ACACB: variants seen among roughly 807,000 people sequenced by gnomAD.
ACACB encodes the protein acetyl-CoA carboxylase beta, also known as acetyl-CoA carboxylase 2.
In ACACB, 209 loss-of-function variants were observed where a neutral mutation model predicts 278.8. The ratio of observed to expected loss-of-function variants is 0.75; its 90% CI spans 0.67 to 0.84. ACACB has a LOEUF of 0.84. Among genes scored for constraint, ACACB ranks in the 40% least tolerant of loss-of-function variants. The pLI is 0.00. For synonymous variants in ACACB, 1,174 were observed against 1,285.6 expected (o/e 0.91, Z 1.86); for missense variants, 2,850 against 3,269.0 (o/e 0.87, Z 3.13).
Position 109,230,715 on chromosome 12 carries a change from C to A in ACACB, c.4002-1954C>A, listed in dbSNP as rs144787149. On this transcript the variant is annotated intron_variant, in intron 28 of 52. Transcript: ENST00000338432. Reference sequence around the variant, plus strand: ...AAAGTGCTGATATTATAGGCGCGAGCCCCTGTGCCTGGCCTTCTCTTTTGA... The same window carrying A: ...AAAGTGCTGATATTATAGGCGCGAGACCCTGTGCCTGGCCTTCTCTTTTGA... Among the ~76,000 whole-genome samples the A allele has an allele frequency of 7.2e-4, 110 of 152,334 alleles. 1 individual carries two copies. Among genetic ancestry groups the A allele is most frequent in the African/African-American group, 2.6e-3 (107 of 41,576 alleles).
chr12:109,252,005 T>G, intron 41 of ACACB, 41 bp from the exon 42 acceptor site: 1 of 1,502,774 alleles, frequency 6.7e-7, no homozygotes, highest in South Asian at 1.2e-5. Flanking sequence ...GGTGGGTCCC[T>G]CGCCACTCTC....
At chr12:109,229,231 C>T in intron 28 of ACACB, among the ~76,000 whole-genome samples, 1 of 152,288 alleles carries the variant, frequency 6.6e-6, no homozygotes, top group Middle Eastern at 3.4e-3. Flanking sequence ...GCGTGAGCCA[C>T]CGTGCCCAGC....
At chr12:109,242,321 C>A (rs997989331) in intron 36 of ACACB, 116 bp from the exon 37 acceptor site, 1 of 1,184,528 alleles carries the variant, frequency 8.4e-7, no homozygotes, top group African/African-American at 1.5e-5. Flanking sequence ...CTTTGTCATG[C>A]CATGTGACAT....
intron 9 of ACACB, among the ~76,000 whole-genome samples, chr12:109,177,211 T>G (rs1593474107): frequency 6.6e-6 from 1 of 152,280 alleles, no homozygotes; most frequent in East Asian, 1.9e-4. Context: ...TTTTGATGAT[T>G]ACTCAATATT....
At chr12:109,235,945 G>C (rs2046621137) in intron 33 of ACACB, 2 of 332,932 alleles carry the variant, frequency 6.0e-6, no homozygotes, top group Non-Finnish European at 1.1e-5. Flanking sequence ...GTTTCAGTGA[G>C]CCAAGGTGAT....
chr12:109,156,926 G>T (rs1466222489), intron 2 of ACACB, among the ~76,000 whole-genome samples: 1 of 152,068 alleles, frequency 6.6e-6, no homozygotes, highest in Non-Finnish European at 1.5e-5. Context: ...CTTTGTAGGT[G>T]TGGTCTCATG....
chr12:109,171,883 T>A lies in ACACB; in HGVS notation c.1004T>A (p.Ile335Asn), dbSNP rs1223408099. 2 of 1,614,004 alleles carry A rather than the reference T, an allele frequency of 1.2e-6. No individual in the cohort carries two copies. Among genetic ancestry groups the A allele is most frequent in the Admixed American group, 1.7e-5 (1 of 59,986 alleles). Residue 335 changes from isoleucine to asparagine, a missense_variant, in exon 5 of 53, where the codon ATT (isoleucine) becomes AAT (asparagine). Around this residue, in one of 3 missense-constraint regions of ACACB, gnomAD observed 2,265 missense variants for 2,561.3 expected, o/e 0.88. Coordinates refer to ENST00000338432, the MANE Select transcript of ACACB (RefSeq NM_001093.4). ...NNNNYANVEL[I>N]VDIAKRIPVQ... ...AACAACTATGCCAACGTGGAGCTGA[T>A]TGTGGACATTGCCAAGAGAATCCCC...
In ACACB at chr12:109,246,468, G is replaced by T; in HGVS notation, c.5571+20G>T. ...CACAAAGTACGTCGTGAAACTGGCG[G>T]GGCAGGGTGATTCTGCTCAGCTACT... On this transcript the variant is annotated intron_variant, in intron 39 of 52. Transcript: ENST00000338432. The T allele has an allele frequency of 1.2e-6, 2 of 1,604,340 alleles. No individual in the cohort carries two copies. Among genetic ancestry groups the T allele is most frequent in the Non-Finnish European group, 1.7e-6 (2 of 1,172,790 alleles).
At chr12:109,218,916 G>A (rs1291799686) in intron 24 of ACACB, among the ~76,000 whole-genome samples, 2 of 151,876 alleles carry the variant, frequency 1.3e-5, no homozygotes, top group African/African-American at 4.8e-5. Flanking sequence ...ACAGGCATGC[G>A]CCACCACGCC....
chr12:109,261,216 T>C (rs1258903945), intron 48 of ACACB, among the ~76,000 whole-genome samples: 1 of 152,228 alleles, frequency 6.6e-6, no homozygotes, highest in Non-Finnish European at 1.5e-5. Flanking sequence ...TGTCAAGGCC[T>C]CAAGAGTCAT....
In ACACB at chr12:109,266,284, G is replaced by C; in HGVS notation, c.7299G>C (p.Leu2433=). 5.0e-6 allele frequency: 8 copies of C among 1,613,894 alleles called. No homozygotes were observed. The highest frequency in any genetic ancestry group is 6.8e-6 in the Non-Finnish European group (8 of 1,179,964). The change falls in exon 53 of 53, where the codon CTG becomes CTC. Residue 2433 remains leucine (L), a synonymous_variant. Coordinates refer to ENST00000338432, the MANE Select transcript of ACACB (RefSeq NM_001093.4). ...PEVAVDCVIY[L]SQHISPAERA... is the part of the protein sequence containing the mutation. ...TGGCCGTGGACTGTGTGATATACCT[G>C]AGCCAGCACATCAGCCCAGCTGAGC...
intron 1 of ACACB, among the ~76,000 whole-genome samples, chr12:109,134,173 C>G (rs2541885): frequency 0.22 from 33,501 of 152,070 alleles, 4,383 homozygotes; most frequent in East Asian, 0.6. Context: ...TGTCCCCAAG[C>G]ACCACCCAGT....
intron 2 of ACACB, among the ~76,000 whole-genome samples, chr12:109,159,501 T>G (rs2043652403): frequency 6.6e-6 from 1 of 152,186 alleles, no homozygotes; most frequent in Non-Finnish European, 1.5e-5. Context: ...TTCCATCATG[T>G]GAGGAAACTG....
intron 13 of ACACB, among the ~76,000 whole-genome samples, chr12:109,189,704 C>CTATGG (rs2044796126): frequency 6.6e-6 from 1 of 152,180 alleles, no homozygotes; most frequent in South Asian, 2.1e-4. Context: ...TTTTCATGGC[C>CTATGG]TATGGATACC....
intron 48 of ACACB, 125 bp downstream of exon 48, chr12:109,260,782 C>T (rs1170706770): frequency 2.0e-6 from 2 of 1,018,830 alleles, no homozygotes; most frequent in Non-Finnish European, 2.7e-6. Context: ...GAAATGTTGT[C>T]TCTTCTTTCA....
In ACACB at chr12:109,167,621, GTATA is replaced by G. The variant is rs1216217057; in HGVS notation, c.787-245_787-242del. Reference sequence around the variant, plus strand: ...CTCAAAAAAAAAAATATATGTATGTGTATATATATATATATATATATATATATAT... The same window carrying G: ...CTCAAAAAAAAAAATATATGTATGTGTATATATATATATATATATATATAT... On this transcript the variant is annotated intron_variant, in intron 3 of 52. Coordinates refer to ENST00000338432, the MANE Select transcript of ACACB (RefSeq NM_001093.4). Among the ~76,000 whole-genome samples the G allele has an allele frequency of 1.6e-3, 121 of 77,504 alleles. 4 individuals carry two copies. Among genetic ancestry groups the G allele is most frequent in the East Asian group, 4.0e-3 (6 of 1,496 alleles). 50.8% of individuals were successfully genotyped at this position (77,504 alleles called of 152,430 possible).
chr12:109,138,446 G>A (rs1006487428), intron 1 of ACACB, among the ~76,000 whole-genome samples: 4 of 152,144 alleles, frequency 2.6e-5, no homozygotes, highest in South Asian at 2.1e-4. Flanking sequence ...GGATGATGGC[G>A]CCCTTCCTCC....
intron 16 of ACACB, among the ~76,000 whole-genome samples, chr12:109,194,881 G>C (rs2045059109): frequency 6.6e-6 from 1 of 152,064 alleles, no homozygotes; most frequent in African/African-American, 2.4e-5. Context: ...AGAATAGTGG[G>C]CCCGGGTCTG....
intron 1 of ACACB, among the ~76,000 whole-genome samples, chr12:109,133,863 A>ATATATATATATTTT: frequency 1.4e-5 from 1 of 70,652 alleles, no homozygotes; most frequent in Non-Finnish European, 2.5e-5. Flanking sequence ...ATATATATAT[A>ATATATATATATTTT]TTTTTTTTTT....
Sources: gnomAD v4.1 joint callset for allele counts (sites outside exome capture counted in the v4.1 genomes callset) on GRCh38, gnomAD v4.1.1 for gene constraint, gnomAD v4.1.1 regional missense constraint, MANE v1.5 for transcripts, NCBI Gene and HGNC (gene_info 2026-07-23, HGNC 2026-07-21) for gene names.